GLS2: variants seen among roughly 807,000 people sequenced by gnomAD.
GLS2 encodes glutaminase liver isoform, mitochondrial.
Under a neutral mutation model 79.0 loss-of-function variants are expected in GLS2, and 52 were observed. The observed-to-expected ratio is 0.66, with a 90% CI of 0.53 to 0.83. GLS2 has a LOEUF of 0.83. GLS2 is among the 40% of genes least tolerant of loss of function. The probability of loss-of-function intolerance (pLI) is 0.00; values close to 1 mark genes in which losing one functional copy is unlikely to be tolerated. For missense variants in GLS2, 561 were observed against 764.8 expected (o/e 0.73, Z 3.14); for synonymous variants, 238 against 280.8 (o/e 0.85, Z 1.52).
chr12:56,487,212 C>T (rs908569310), intron 1 of GLS2, among the ~76,000 whole-genome samples: 3 of 152,078 alleles, frequency 2.0e-5, no homozygotes, highest in African/African-American at 7.2e-5. Context: ...GTGTCCTAGG[C>T]GGTGGGGAAG....
intron 4 of GLS2, 93 bp from the exon 5 acceptor site, chr12:56,478,355 T>A: frequency 7.4e-7 from 1 of 1,358,386 alleles, no homozygotes; most frequent in Non-Finnish European, 1.0e-6. Flanking sequence ...AGATAAAAGC[T>A]AAAATTCTGT....
intron 9 of GLS2, 25 bp downstream of exon 9, chr12:56,475,599 G>C (rs759381215): frequency 6.2e-7 from 1 of 1,611,710 alleles, no homozygotes; most frequent in African/African-American, 1.3e-5. Flanking sequence ...AATGCTTTCA[G>C]TCAGTCCTCT....
chr12:56,476,040 G>A, intron 7 of GLS2, 63 bp from the exon 8 acceptor site: 5 of 1,520,508 alleles, frequency 3.3e-6, no homozygotes, highest in Non-Finnish European at 4.5e-6. Flanking sequence ...GGAAGGGTCA[G>A]AAGGATCTAG....
intron 15 of GLS2, 85 bp from the exon 16 acceptor site, chr12:56,472,280 G>A: frequency 8.0e-7 from 1 of 1,249,880 alleles, no homozygotes; most frequent in South Asian, 1.2e-5. Context: ...CAGACTGGAT[G>A]AGTTTCAGAG....
chr12:56,472,627 C>A, intron 15 of GLS2, 63 bp downstream of exon 15: 1 of 1,426,978 alleles, frequency 7.0e-7, no homozygotes, highest in South Asian at 1.2e-5. Context: ...TGTTACGCTG[C>A]CTCCTAGTAA....
rs373489667 is a variant in GLS2 at position 56,475,062 on chromosome 12, A to G, written c.978T>C (p.Tyr326=). ...TGGTTACCTTCTTTTCCTTGAGATA[A>G]TAGCCGATGGCATAATTCCGATCCC... ...ETGDRNYAIG[Y]YLKEKKCFPK... Residue 326 remains tyrosine (Y), a synonymous_variant, in exon 10 of 18, where the codon TAT becomes TAC. Transcript: ENST00000311966. 5 of 1,614,038 alleles carry G rather than the reference A, an allele frequency of 3.1e-6. No individual in the cohort carries two copies. The highest frequency in any genetic ancestry group is 4.2e-6 in the Non-Finnish European group (5 of 1,180,048).
At chr12:56,478,464 T>C in intron 4 of GLS2, 2 of 580,114 alleles carry the variant, frequency 3.4e-6, no homozygotes, top group Non-Finnish European at 6.1e-6. Flanking sequence ...CGCAATCCTG[T>C]AGAGATAGCA....
chr12:56,473,695 G>T lies in GLS2; in HGVS notation c.1225-101C>A, dbSNP rs193137949. On this transcript the variant is annotated intron_variant, in intron 12 of 17. Coordinates refer to ENST00000311966, the MANE Select transcript of GLS2 (RefSeq NM_013267.4). Reference sequence around the variant, plus strand: ...TTAACAAGTTTACAAATGACTGCATGACCACAATCCACCTCAACCTTTTGG... The same window carrying T: ...TTAACAAGTTTACAAATGACTGCATTACCACAATCCACCTCAACCTTTTGG... 861 of 1,419,160 alleles carry T rather than the reference G, an allele frequency of 6.1e-4. 7 individuals carry two copies. In the African/African-American group the frequency reaches 0.012, roughly 19 times the overall value. The allele number at this position is 1,419,160 out of a possible 1,614,324, so 87.9% of individuals were successfully genotyped here.
intron 1 of GLS2, 188 bp from the exon 2 acceptor site, chr12:56,480,575 T>C: frequency 1.7e-6 from 1 of 575,216 alleles, no homozygotes; most frequent in Non-Finnish European, 3.1e-6. Flanking sequence ...TTTCTCTAGC[T>C]TTTACTCCTG....
chr12:56,478,481 C>A, intron 4 of GLS2: 1 of 545,096 alleles, frequency 1.8e-6, no homozygotes. Context: ...AGCAGTAAAG[C>A]CAATGGAAGT....
Position 56,471,185 on chromosome 12 carries a change from AGAG to A in GLS2, c.*299_*301del, listed in dbSNP as rs1869228390. ...CATGATGGTTTCTTCAGGGAGAGGA[AGAG>A]GAGACCTGGGTGAAGAGCTGGGATG... On this transcript the variant is annotated 3_prime_UTR_variant, in exon 18 of 18. Transcript: ENST00000311966. 1 of 432,032 alleles carries A rather than the reference AGAG, an allele frequency of 2.3e-6. No homozygotes were observed. The highest frequency in any genetic ancestry group is 4.1e-6 in the Non-Finnish European group (1 of 246,764). 26.8% of individuals were successfully genotyped at this position (432,032 alleles called of 1,614,324 possible). A position where few individuals can be genotyped will look rare whatever the true frequency, so the allele number is the denominator to read the frequency against.
At chr12:56,479,355 A>C in intron 3 of GLS2, 174 bp from the exon 4 acceptor site, 1 of 687,792 alleles carries the variant, frequency 1.5e-6, no homozygotes. Flanking sequence ...CCGTACCTCT[A>C]AAATGAGGGG....
At chr12:56,478,843 A>G in intron 4 of GLS2, 1 of 537,920 alleles carries the variant, frequency 1.9e-6, no homozygotes, top group Non-Finnish European at 3.2e-6. Flanking sequence ...AAATACAAAA[A>G]TTAGTCGGGC....
chr12:56,473,700 C>T, intron 12 of GLS2, 106 bp from the exon 13 acceptor site: 2 of 1,368,174 alleles, frequency 1.5e-6, no homozygotes, highest in Non-Finnish European at 2.0e-6. Flanking sequence ...TGCATGACCA[C>T]AATCCACCTC....
Position 56,471,776 on chromosome 12 carries a change from T to A in GLS2, c.1649A>T (p.Asp550Val). The A allele has an allele frequency of 6.2e-7, 1 of 1,614,154 alleles. No individual in the cohort carries two copies. The highest frequency in any genetic ancestry group is 8.5e-7 in the Non-Finnish European group (1 of 1,180,026). Reference sequence around the variant, plus strand: ...CCACTTTTAGCCTATTCCTCACCTGTCCTTGGCAAAAGGATTCACTTTGCA... The same window carrying A: ...CCACTTTTAGCCTATTCCTCACCTGACCTTGGCAAAAGGATTCACTTTGCA... ...EACKVNPFAKDRWGNIPLDDA... is the reference protein window; with the variant it reads ...EACKVNPFAKVRWGNIPLDDA... Residue 550 changes from aspartate to valine, a missense_variant, in exon 17 of 18, where the codon GAC becomes GTC. Physicochemically the swap from Asp to Val is radical, Grantham distance 152. Coordinates refer to ENST00000311966, the MANE Select transcript of GLS2 (RefSeq NM_013267.4).
rs1178706987 is a variant in GLS2 at position 56,474,885 on chromosome 12, C to A, written c.1008G>T (p.Lys336Asn). The change falls in exon 11 of 18, where the codon AAG (lysine) becomes AAT (asparagine). Residue 336 changes from lysine (K) to asparagine (N), a missense_variant. Coordinates refer to ENST00000311966, the MANE Select transcript of GLS2 (RefSeq NM_013267.4). ...CAAGGGCAGCCATCATGTCCACCCC[C>A]TTAGGAAAGCACTGCAAGGAAGAGA... Reference protein sequence around the residue: ...YYLKEKKCFPKGVDMMAALDL... With the variant: ...YYLKEKKCFPNGVDMMAALDL... 1.4e-5 allele frequency: 23 copies of A among 1,614,030 alleles called. No individual in the cohort carries two copies. The highest frequency in any genetic ancestry group is 2.7e-5 in the African/African-American group (2 of 74,918).
intron 14 of GLS2, 75 bp downstream of exon 14, chr12:56,473,153 T>A: frequency 7.2e-7 from 1 of 1,379,340 alleles, no homozygotes. Context: ...CCTCTCAAAG[T>A]GCAGGGATTA....
Position 56,478,239 on chromosome 12 carries a change from C to A in GLS2, c.558G>T (p.Leu186=), listed in dbSNP as rs532825803. The A allele has an allele frequency of 8.7e-6, 14 of 1,614,150 alleles. No homozygotes were observed. The highest frequency in any genetic ancestry group is 1.6e-4 in the Middle Eastern group (1 of 6,062). The change falls in exon 5 of 18, where the codon CTG becomes CTT. Residue 186 remains leucine (L), a synonymous_variant. Coordinates refer to ENST00000311966, the MANE Select transcript of GLS2 (RefSeq NM_013267.4). ...GGKVAAYIPQ[L]AKSNPDLWGV... is the part of the protein sequence containing the mutation. Reference sequence around the variant, plus strand: ...CCCACAGGTCTGGGTTTGACTTGGCCAGCTGAGGGATGTAGGCTGCCACCT... The same window carrying A: ...CCCACAGGTCTGGGTTTGACTTGGCAAGCTGAGGGATGTAGGCTGCCACCT...
At chr12:56,482,624 T>A (rs114324226) in intron 1 of GLS2, among the ~76,000 whole-genome samples, 1,991 of 152,354 alleles carry the variant, frequency 0.013, 48 homozygotes, top group African/African-American at 0.045. Context: ...GGGTCTTCGA[T>A]AAGAATTACT....
Sources: gnomAD v4.1 joint callset for allele counts (sites outside exome capture counted in the v4.1 genomes callset) on GRCh38, gnomAD v4.1.1 for gene constraint, MANE v1.5 for transcripts, NCBI Gene and HGNC (gene_info 2026-07-23, HGNC 2026-07-21) for gene names.